The following SGCZ variants were observed in gnomAD, a reference collection of about 807,000 sequenced individuals.
SGCZ encodes zeta-sarcoglycan.
SGCZ carries 40 observed loss-of-function variants against 41.3 expected under a neutral mutation model. The ratio of observed to expected loss-of-function variants is 0.97; its 90% CI spans 0.75 to 1.26. The LOEUF is 1.26. Ranked by LOEUF, SGCZ falls within the 50% of genes most tolerant of loss-of-function variation. The pLI is 0.00. For synonymous variants in SGCZ, 206 were observed against 137.5 expected, an observed-to-expected ratio of 1.50 and a Z score of -3.49; for missense variants, 552 against 369.8, an observed-to-expected ratio of 1.49 and a Z score of -4.04.
intron 2 of SGCZ, among the ~76,000 whole-genome samples, chr8:14,390,376 T>C (rs1225146201): frequency 2.0e-5 from 3 of 151,836 alleles, no homozygotes; most frequent in African/African-American, 7.2e-5. Context: ...ATAATTGTAA[T>C]AATAAATCAG....
intron 2 of SGCZ, among the ~76,000 whole-genome samples, chr8:14,329,594 C>T (rs1455662256): frequency 6.8e-6 from 1 of 146,484 alleles, no homozygotes. Flanking sequence ...ATTATGCTTG[C>T]TCAAAAGCCC....
In SGCZ at chr8:14,594,035, C is replaced by T. The variant is rs978941682; in HGVS notation, c.40-39109G>A. Among the ~76,000 whole-genome samples, 8 of 151,854 alleles carry T rather than the reference C, an allele frequency of 5.3e-5. No individual in the cohort carries two copies. In the South Asian group the frequency reaches 6.2e-4, roughly 12 times the overall value. On this transcript the variant is annotated intron_variant, in intron 1 of 7. Coordinates refer to ENST00000382080, the MANE Select transcript of SGCZ (RefSeq NM_139167.4). ...TCTAAAAATACAAAAATTAGCCAGGCGTGGTGGCACACGCCTGTGGACCCC... is the reference window on the plus strand; with the variant it reads ...TCTAAAAATACAAAAATTAGCCAGGTGTGGTGGCACACGCCTGTGGACCCC...
intron 2 of SGCZ, among the ~76,000 whole-genome samples, chr8:14,382,468 A>G (rs1804404059): frequency 6.6e-6 from 1 of 152,146 alleles, no homozygotes; most frequent in African/African-American, 2.4e-5. Flanking sequence ...CACCTGGCAC[A>G]GAGCAGGTGC....
intron 3 of SGCZ, among the ~76,000 whole-genome samples, chr8:14,310,647 C>T (rs1801505214): frequency 6.6e-6 from 1 of 152,026 alleles, no homozygotes; most frequent in East Asian, 1.9e-4. Context: ...AGACACTATA[C>T]AAAACTGTAA....
At chr8:14,503,492 A>T (rs1242985934) in intron 2 of SGCZ, among the ~76,000 whole-genome samples, 1 of 152,136 alleles carries the variant, frequency 6.6e-6, no homozygotes, top group Non-Finnish European at 1.5e-5. Context: ...TAACGCGGCC[A>T]GTCTCAGTGG....
intron 4 of SGCZ, among the ~76,000 whole-genome samples, chr8:14,230,881 G>C (rs1308168011): frequency 2.6e-5 from 4 of 151,822 alleles, no homozygotes; most frequent in Non-Finnish European, 5.9e-5. Context: ...ACACGAAAGA[G>C]TATCTACTGG....
chr8:14,515,809 A>T (rs1802603389), intron 2 of SGCZ, among the ~76,000 whole-genome samples: 1 of 152,070 alleles, frequency 6.6e-6, no homozygotes, highest in African/African-American at 2.4e-5. Flanking sequence ...TACATCATTT[A>T]TTGCATAAAG....
intron 1 of SGCZ, among the ~76,000 whole-genome samples, chr8:15,207,570 T>C (rs1186767650): frequency 6.6e-6 from 1 of 151,998 alleles, no homozygotes; most frequent in African/African-American, 2.4e-5. Flanking sequence ...TTTGGCACAA[T>C]GATCATTTTT....
At chr8:15,010,916 C>T (rs1028891653) in intron 1 of SGCZ, among the ~76,000 whole-genome samples, 14 of 152,136 alleles carry the variant, frequency 9.2e-5, no homozygotes, top group Admixed American at 2.6e-4. Flanking sequence ...AACTTTAGAT[C>T]CCTGGCTAAC....
intron 5 of SGCZ, among the ~76,000 whole-genome samples, chr8:14,142,453 A>C (rs998212533): frequency 3.9e-5 from 6 of 152,188 alleles, no homozygotes; most frequent in Admixed American, 2.0e-4. Flanking sequence ...TACACACATG[A>C]TGATATATTT....
intron 1 of SGCZ, among the ~76,000 whole-genome samples, chr8:15,012,953 G>A (rs1326249847): frequency 6.6e-6 from 1 of 151,820 alleles, no homozygotes; most frequent in Admixed American, 6.6e-5. Context: ...TGTTTAGAAT[G>A]TTTAAAGTTA....
At chr8:14,097,249 T>C (rs1801874284) in intron 7 of SGCZ, among the ~76,000 whole-genome samples, 3 of 152,230 alleles carry the variant, frequency 2.0e-5, no homozygotes, top group Admixed American at 2.0e-4. Flanking sequence ...TAAATTTCCC[T>C]CTACACAGTG....
chr8:14,393,740 C>T (rs185941718), intron 2 of SGCZ, among the ~76,000 whole-genome samples: 1 of 152,128 alleles, frequency 6.6e-6, no homozygotes, highest in Non-Finnish European at 1.5e-5. Flanking sequence ...GACAACAAAC[C>T]CCAGGGTATA....
intron 1 of SGCZ, among the ~76,000 whole-genome samples, chr8:14,612,661 GTGTTTTTT>G (rs568105879): frequency 4.7e-4 from 71 of 151,938 alleles, no homozygotes; most frequent in African/African-American, 1.3e-3. Flanking sequence ...GGAAGGAGTT[GTGTTTTTT>G]TGTTTTTTTG....
chr8:14,877,010 T>C (rs778263968), intron 1 of SGCZ, among the ~76,000 whole-genome samples: 1 of 152,204 alleles, frequency 6.6e-6, no homozygotes, highest in Non-Finnish European at 1.5e-5. Context: ...AGTCTCACCC[T>C]GTCACCAGGC....
intron 1 of SGCZ, among the ~76,000 whole-genome samples, chr8:14,883,583 A>G (rs1276723952): frequency 2.0e-5 from 3 of 152,046 alleles, no homozygotes; most frequent in Admixed American, 6.6e-5. Flanking sequence ...TTCACACTTC[A>G]TATTTCATTC....
chr8:14,841,340 C>T (rs73535045), intron 1 of SGCZ, among the ~76,000 whole-genome samples: 7,627 of 152,034 alleles, frequency 0.05, 269 homozygotes, highest in African/African-American at 0.099. Flanking sequence ...TAGGCAGTTT[C>T]AAAAGGCTAC....
rs1255080337 is a variant in SGCZ at position 14,392,207 on chromosome 8, T to C, written c.235-68003A>G. ...ACACTTTAATGCATAGCTTGTTCTC[T>C]TTACTCACACTTCATTCTATTTTCT... On this transcript the variant is annotated intron_variant, in intron 2 of 7. Coordinates refer to ENST00000382080, the MANE Select transcript of SGCZ (RefSeq NM_139167.4). 3.3e-5 allele frequency among the ~76,000 whole-genome samples: 5 copies of C among 152,328 alleles called. No individual in the cohort carries two copies. In the South Asian group the frequency reaches 8.3e-4, roughly 25 times the overall value.
At chr8:15,083,635 A>T (rs188308172) in intron 1 of SGCZ, among the ~76,000 whole-genome samples, 1 of 151,982 alleles carries the variant, frequency 6.6e-6, no homozygotes, top group African/African-American at 2.4e-5. Flanking sequence ...TGCAGCCTTG[A>T]CCTCCCAGGC....
Sources: allele counts gnomAD v4.1 joint callset (sites outside exome capture counted in the v4.1 genomes callset), GRCh38; gene constraint gnomAD v4.1.1; transcripts MANE v1.5; gene names NCBI Gene and HGNC (gene_info 2026-07-23, HGNC 2026-07-21).